CAVIN4: variants seen among roughly 807,000 people sequenced by gnomAD.
CAVIN4 encodes the protein caveolae-associated protein 4.
CAVIN4 carries 10 observed loss-of-function variants against 18.6 expected under a neutral mutation model. The observed-to-expected ratio is 0.54, with a 90% CI of 0.33 to 0.91. CAVIN4 has a LOEUF of 0.91. Ranked by LOEUF, CAVIN4 falls within the 40% of genes least tolerant of loss-of-function variation. The pLI is 0.02. For missense variants in CAVIN4, 459 were observed against 440.5 expected, an observed-to-expected ratio of 1.04 and a Z score of -0.38; for synonymous variants, 173 against 164.8, an observed-to-expected ratio of 1.05 and a Z score of -0.38.
At position 100,578,236 on chromosome 9, in the gene CAVIN4, T is replaced by G; in HGVS notation, c.93T>G (p.Leu31=). The G allele has an allele frequency of 1.9e-6, 3 of 1,614,022 alleles. No homozygotes were observed. The highest frequency in any genetic ancestry group is 2.5e-6 in the Non-Finnish European group (3 of 1,179,942). ...AAGATGAAGACCAAGACGCTGCTCT[T>G]ACCATTGTGACTGTGCTGGACAAAG... ...VTEDEDQDAA[L]TIVTVLDKVA... Residue 31 remains leucine (L), a synonymous_variant, in exon 1 of 2, where the codon CTT becomes CTG. Transcript: ENST00000307584.
intron 1 of CAVIN4, among the ~76,000 whole-genome samples, chr9:100,579,012 C>T (rs1839401124): frequency 6.6e-6 from 1 of 152,150 alleles, no homozygotes; most frequent in Non-Finnish European, 1.5e-5. Context: ...AAGGCCTAAA[C>T]AGTAGATATA....
At chr9:100,582,466 C>T (rs994012594) in intron 1 of CAVIN4, among the ~76,000 whole-genome samples, 1 of 152,144 alleles carries the variant, frequency 6.6e-6, no homozygotes, top group Admixed American at 6.6e-5. Context: ...CTTCTTCAGC[C>T]TTCCAAGTAG....
rs779456266 is a variant in CAVIN4 at position 100,578,359 on chromosome 9, G to T, written c.216G>T (p.Leu72=). 2.9e-5 allele frequency: 46 copies of T among 1,613,954 alleles called. No individual in the cohort carries two copies. The highest frequency in any genetic ancestry group is 3.7e-5 in the Non-Finnish European group (44 of 1,179,990). The stretch of plus-strand genomic sequence containing the variant: ...CCATAAAATCCGTCCAGATTGACCT[G>T]TTGAAGCTTTCACAGTCGCATAGCA... ...ENAIKSVQID[L]LKLSQSHSNT... is the part of the protein sequence containing the mutation. Residue 72 remains leucine (L), a synonymous_variant, in exon 1 of 2, where the codon CTG becomes CTT. Coordinates refer to ENST00000307584, the MANE Select transcript of CAVIN4 (RefSeq NM_001018116.2).
intron 1 of CAVIN4, among the ~76,000 whole-genome samples, chr9:100,582,450 A>G (rs1292715772): frequency 6.6e-6 from 1 of 152,066 alleles, no homozygotes; most frequent in Non-Finnish European, 1.5e-5. Context: ...GGGGCAAGCC[A>G]TCTTCCTTCT....
rs1037139548 is a variant in CAVIN4 at position 100,587,630 on chromosome 9, G to C, written c.*1179G>C. The C allele has an allele frequency of 1.3e-5, 2 of 152,184 alleles. No homozygotes were observed. The highest frequency in any genetic ancestry group is 4.2e-4 in the South Asian group (2 of 4,818). 9.4% of individuals were successfully genotyped at this position (152,184 alleles called of 1,614,324 possible). On this transcript the variant is annotated 3_prime_UTR_variant, in exon 2 of 2. Transcript: ENST00000307584. Reference sequence around the variant, plus strand: ...AAATGGGCCGGGTGTGGTGGCTCACGGGGAGTAATCCCAGCACTTTGCGAG... The same window carrying C: ...AAATGGGCCGGGTGTGGTGGCTCACCGGGAGTAATCCCAGCACTTTGCGAG...
At position 100,586,641 on chromosome 9, in the gene CAVIN4, C is replaced by A; in HGVS notation, c.*190C>A. On this transcript the variant is annotated 3_prime_UTR_variant, in exon 2 of 2. Coordinates refer to ENST00000307584, the MANE Select transcript of CAVIN4 (RefSeq NM_001018116.2). The stretch of plus-strand genomic sequence containing the variant: ...ATGGCAGCTGTGGATTTTTTAGTTC[C>A]TTTCTCTTGTCCACCAGAAAAATAG... The A allele has an allele frequency of 2.2e-6, 1 of 448,996 alleles. No individual in the cohort carries two copies. Among genetic ancestry groups the A allele is most frequent in the Non-Finnish European group, 3.8e-6 (1 of 263,244 alleles). The allele number at this position is 448,996 out of a possible 1,614,324, so 27.8% of individuals were successfully genotyped here. A position where few individuals can be genotyped will look rare whatever the true frequency, so the allele number is the denominator to read the frequency against.
intron 1 of CAVIN4, among the ~76,000 whole-genome samples, chr9:100,582,150 G>A (rs149818521): frequency 7.2e-5 from 11 of 152,114 alleles, no homozygotes; most frequent in African/African-American, 2.2e-4. Context: ...ATTTTAACTC[G>A]TGGTTCAGTT....
Position 100,586,335 on chromosome 9 carries a change from C to A in CAVIN4, c.979C>A (p.Pro327Thr). The change falls in exon 2 of 2, where the codon CCT becomes ACT. Residue 327 changes from proline (P) to threonine (T), a missense_variant. Coordinates refer to ENST00000307584, the MANE Select transcript of CAVIN4 (RefSeq NM_001018116.2). The stretch of plus-strand genomic sequence containing the variant: ...ACACGAGGCAGCCAGGCCGGTGTAT[C>A]CTCCCCATGAAGGAAGGGAAATCCC... ...PEHEAARPVY[P>T]PHEGREIPTP... The A allele has an allele frequency of 6.2e-7, 1 of 1,613,966 alleles. No individual in the cohort carries two copies. The highest frequency in any genetic ancestry group is 8.5e-7 in the Non-Finnish European group (1 of 1,179,996).
chr9:100,584,944 C>T (rs1839462217), intron 1 of CAVIN4, among the ~76,000 whole-genome samples: 1 of 152,166 alleles, frequency 6.6e-6, no homozygotes, highest in Admixed American at 6.5e-5. Flanking sequence ...TTGTATGTTT[C>T]TGGGCTGGAA....
Position 100,588,052 on chromosome 9 carries a change from A to G in CAVIN4, c.*1601A>G, listed in dbSNP as rs1839502739. The G allele has an allele frequency of 6.6e-6, 1 of 152,168 alleles. No individual in the cohort carries two copies. The highest frequency in any genetic ancestry group is 6.5e-5 in the Admixed American group (1 of 15,274). 9.4% of individuals were successfully genotyped at this position (152,168 alleles called of 1,614,324 possible). A position where few individuals can be genotyped will look rare whatever the true frequency, so the allele number is the denominator to read the frequency against. On this transcript the variant is annotated 3_prime_UTR_variant, in exon 2 of 2. Transcript: ENST00000307584. ...ATCCCACTTTTTTTCTCACTTTCAG[A>G]TCAGTTTTTGGATAATCATATGGTA... is the stretch of plus-strand genomic sequence containing the variant.
chr9:100,577,286 C>G (rs555928049), upstream of CAVIN4: 33 of 152,686 alleles, frequency 2.2e-4, no homozygotes, highest in African/African-American at 7.5e-4. Flanking sequence ...ACCAGTTAAA[C>G]TACTTTAATA....
In CAVIN4 at chr9:100,578,324, A is replaced by G. The variant is rs576225231; in HGVS notation, c.181A>G (p.Met61Val). The G allele has an allele frequency of 9.1e-5, 147 of 1,613,990 alleles. No individual in the cohort carries two copies. The highest frequency in any genetic ancestry group is 1.2e-4 in the Non-Finnish European group (142 of 1,179,988). Residue 61 changes from methionine to valine, a missense_variant, in exon 1 of 2, where the codon ATG (methionine) becomes GTG (valine). Physicochemically the swap from Met to Val is conservative, Grantham distance 21 (BLOSUM62 1). Coordinates refer to ENST00000307584, the MANE Select transcript of CAVIN4 (RefSeq NM_001018116.2). Reference sequence around the variant, plus strand: ...GAGAATAGAAGAGAGACACAGGGAAATGGAAAATGCCATAAAATCCGTCCA... The same window carrying G: ...GAGAATAGAAGAGAGACACAGGGAAGTGGAAAATGCCATAAAATCCGTCCA... The part of the protein sequence containing the change: ...QKRIEERHRE[M>V]ENAIKSVQID...
intron 1 of CAVIN4, among the ~76,000 whole-genome samples, chr9:100,579,053 A>AT (rs1264798477): frequency 6.6e-6 from 1 of 152,200 alleles, no homozygotes; most frequent in Non-Finnish European, 1.5e-5. Context: ...GTGTATTGGA[A>AT]TTTTTACATA....
chr9:100,583,276 C>T (rs1263246377), intron 1 of CAVIN4, among the ~76,000 whole-genome samples: 1 of 152,182 alleles, frequency 6.6e-6, no homozygotes, highest in Non-Finnish European at 1.5e-5. Context: ...AGATCCCATC[C>T]TTCCCCTCCA....
At chr9:100,584,531 G>A (rs1839458354) in intron 1 of CAVIN4, among the ~76,000 whole-genome samples, 1 of 152,196 alleles carries the variant, frequency 6.6e-6, no homozygotes, top group South Asian at 2.1e-4. Context: ...CAAGGAATCT[G>A]GAGAAGACCT....
At chr9:100,577,607 A>G (rs1839374569), upstream of CAVIN4, 1 of 152,224 alleles carries the variant, frequency 6.6e-6, no homozygotes, top group Admixed American at 6.5e-5. Context: ...TGTTTGGAAA[A>G]GCATGTTATA....
intron 1 of CAVIN4, among the ~76,000 whole-genome samples, chr9:100,579,612 A>C (rs577754468): frequency 6.6e-6 from 1 of 152,226 alleles, no homozygotes; most frequent in South Asian, 2.1e-4. Flanking sequence ...TTTTGGCCCC[A>C]AAATTTATGT....
chr9:100,580,289 C>T (rs1839414579), intron 1 of CAVIN4, among the ~76,000 whole-genome samples: 2 of 151,684 alleles, frequency 1.3e-5, no homozygotes, highest in African/African-American at 4.8e-5. Context: ...GAGACCCTGT[C>T]TTAAGAAAAA....
intron 1 of CAVIN4, chr9:100,581,495 A>G (rs1456354026): frequency 6.6e-6 from 1 of 152,248 alleles, no homozygotes; most frequent in African/African-American, 2.4e-5. Flanking sequence ...ATACAATTAT[A>G]TTTGGAAGTC....
Sources: allele counts gnomAD v4.1 joint callset (sites outside exome capture counted in the v4.1 genomes callset), GRCh38; gene constraint gnomAD v4.1.1; transcripts MANE v1.5; gene names NCBI Gene and HGNC (gene_info 2026-07-23, HGNC 2026-07-21).